RBFOX1: variants seen among roughly 807,000 people sequenced by gnomAD.
RBFOX1 encodes the protein RNA binding protein fox-1 homolog 1.
Under a neutral mutation model 57.7 loss-of-function variants are expected in RBFOX1, and 8 were observed. The ratio of observed to expected loss-of-function variants is 0.14; its 90% CI spans 0.08 to 0.25. The LOEUF is 0.25. Among genes scored for constraint, RBFOX1 ranks in the 10% least tolerant of loss-of-function variants. The pLI is 1.00. For missense variants in RBFOX1, 611 were observed against 548.5 expected (o/e 1.11, Z -1.14); for synonymous variants, 326 against 222.4 (o/e 1.47, Z -4.15).
At chr16:7,576,040 C>G (rs778327686) in intron 5 of RBFOX1, among the ~76,000 whole-genome samples, 12 of 152,036 alleles carry the variant, frequency 7.9e-5, no homozygotes, top group Admixed American at 6.5e-4. Flanking sequence ...CTCCAGCCAT[C>G]TCCCACCTCG....
At chr16:7,436,954 G>A (rs991750197) in intron 4 of RBFOX1, among the ~76,000 whole-genome samples, 1 of 152,044 alleles carries the variant, frequency 6.6e-6, no homozygotes. Context: ...GGTGATACGC[G>A]CCTGTAATCC....
intron 2 of RBFOX1, among the ~76,000 whole-genome samples, chr16:6,424,640 G>T (rs1392391220): frequency 8.1e-5 from 1 of 12,352 alleles, no homozygotes; most frequent in Non-Finnish European, 2.5e-4. Context: ...AACGTGGGGA[G>T]ATAATTATAA....
chr16:5,454,947 C>A (rs1567535752), intron 1 of RBFOX1, among the ~76,000 whole-genome samples: 1 of 45,732 alleles, frequency 2.2e-5, no homozygotes, highest in African/African-American at 7.4e-5. Context: ...TCCTTCCTTC[C>A]TTCCTTCCTT....
intron 2 of RBFOX1, among the ~76,000 whole-genome samples, chr16:6,649,933 T>A (rs888572909): frequency 7.2e-5 from 11 of 152,194 alleles, no homozygotes; most frequent in Non-Finnish European, 1.2e-4. Flanking sequence ...TTGGGCTGGT[T>A]CCATATTTTT....
At chr16:6,943,451 G>A (rs1054303587) in intron 3 of RBFOX1, among the ~76,000 whole-genome samples, 10 of 152,192 alleles carry the variant, frequency 6.6e-5, no homozygotes, top group Non-Finnish European at 1.5e-4. Flanking sequence ...GCTCACACCT[G>A]TAATCTCAGT....
chr16:7,647,266 G>C (rs1028074798), intron 11 of RBFOX1, among the ~76,000 whole-genome samples: 1 of 152,118 alleles, frequency 6.6e-6, no homozygotes, highest in African/African-American at 2.4e-5. Flanking sequence ...TGCTCAATTG[G>C]TATTTTCTCT....
At chr16:7,260,612 A>G (rs981430028) in intron 4 of RBFOX1, among the ~76,000 whole-genome samples, 1 of 152,216 alleles carries the variant, frequency 6.6e-6, no homozygotes, top group Non-Finnish European at 1.5e-5. Flanking sequence ...AGGTAAGATA[A>G]CAGAGTCTGG....
At chr16:7,691,436 A>C (rs2077306785) in intron 14 of RBFOX1, among the ~76,000 whole-genome samples, 1 of 151,972 alleles carries the variant, frequency 6.6e-6, no homozygotes, top group Non-Finnish European at 1.5e-5. Flanking sequence ...CGGAAAGAAA[A>C]CGGAAAGGAA....
At chr16:6,492,562 C>T (rs1004984259) in intron 2 of RBFOX1, among the ~76,000 whole-genome samples, 2 of 151,682 alleles carry the variant, frequency 1.3e-5, no homozygotes, top group African/African-American at 2.4e-5. Context: ...GAGTGAGACT[C>T]CATCTCAAAA....
At chr16:6,816,401 C>A (rs752905773) in intron 3 of RBFOX1, among the ~76,000 whole-genome samples, 1 of 151,586 alleles carries the variant, frequency 6.6e-6, no homozygotes. Context: ...TTTGTTGTTG[C>A]CAGACTGGCC....
intron 4 of RBFOX1, among the ~76,000 whole-genome samples, chr16:5,953,789 A>C (rs913463880): frequency 6.6e-6 from 1 of 151,648 alleles, no homozygotes; most frequent in Non-Finnish European, 1.5e-5. Context: ...CATTTTTGCA[A>C]TTGTGAATTG....
At chr16:5,897,166 G>T (rs1044575403) in intron 4 of RBFOX1, among the ~76,000 whole-genome samples, 1 of 151,888 alleles carries the variant, frequency 6.6e-6, no homozygotes, top group African/African-American at 2.4e-5. Flanking sequence ...CTCCCCAGTA[G>T]CTGGGACTAC....
chr16:5,277,967 C>T (rs369407070), intron 1 of RBFOX1, among the ~76,000 whole-genome samples: 15 of 152,168 alleles, frequency 9.9e-5, no homozygotes, highest in East Asian at 3.9e-4. Context: ...TATGGGGGTA[C>T]GGGTACAGGT....
intron 3 of RBFOX1, among the ~76,000 whole-genome samples, chr16:6,731,277 G>T (rs1250843808): frequency 6.6e-6 from 1 of 152,134 alleles, no homozygotes; most frequent in East Asian, 1.9e-4. Context: ...GTAGAGTTCT[G>T]CACAACTAAA....
intron 1 of RBFOX1, among the ~76,000 whole-genome samples, chr16:6,162,362 G>T (rs2096886023): frequency 6.6e-6 from 1 of 152,148 alleles, no homozygotes; most frequent in South Asian, 2.1e-4. Flanking sequence ...TGATCCACCT[G>T]CTTCCGCCTT....
chr16:7,632,645 G>T (rs2061158949), intron 11 of RBFOX1, among the ~76,000 whole-genome samples: 1 of 152,170 alleles, frequency 6.6e-6, no homozygotes, highest in Admixed American at 6.5e-5. Flanking sequence ...CTGAAAGAGA[G>T]TTGGTGTGCC....
At chr16:6,779,777 ATATATATTTTTATATATACTTT>A (rs2080078721) in intron 3 of RBFOX1, among the ~76,000 whole-genome samples, 1 of 4,862 alleles carries the variant, frequency 2.1e-4, no homozygotes, top group Non-Finnish European at 3.2e-4. Context: ...ATATATATTT[ATATATATTTTTATATATACTTT>A]TATATATTTA....
chr16:5,788,358 G>A (rs1015365004), intron 3 of RBFOX1, among the ~76,000 whole-genome samples: 2 of 152,188 alleles, frequency 1.3e-5, no homozygotes, highest in Non-Finnish European at 1.5e-5. Flanking sequence ...GCTGGGCGTG[G>A]TGGCTCACAC....
chr16:6,748,512 A>G (rs2074258102), intron 3 of RBFOX1, among the ~76,000 whole-genome samples: 1 of 152,074 alleles, frequency 6.6e-6, no homozygotes, highest in Non-Finnish European at 1.5e-5. Flanking sequence ...AATAAAGATA[A>G]AAAATTAGCT....
Sources: gnomAD v4.1 joint callset for allele counts (sites outside exome capture counted in the v4.1 genomes callset) on GRCh38, gnomAD v4.1.1 for gene constraint, MANE v1.5 for transcripts, NCBI Gene and HGNC (gene_info 2026-07-23, HGNC 2026-07-21) for gene names.